Variants in MYO1B observed in about 807,000 individuals in gnomAD.
MYO1B encodes unconventional myosin-Ib.
MYO1B carries 72 observed loss-of-function variants against 159.7 expected under a neutral mutation model. The observed-to-expected ratio is 0.45, with a 90% CI of 0.37 to 0.55. MYO1B has a LOEUF of 0.55. Ranked by LOEUF, MYO1B falls within the 20% of genes least tolerant of loss-of-function variation. MYO1B has a pLI of 0.00. For missense variants in MYO1B, 1,062 were observed against 1,364.8 expected, an observed-to-expected ratio of 0.78 and a Z score of 3.50; for synonymous variants, 468 against 473.8, an observed-to-expected ratio of 0.99 and a Z score of 0.16.
chr2:191,385,731 G>A (rs1424927270), intron 15 of MYO1B, among the ~76,000 whole-genome samples, 153 bp from the exon 16 acceptor site: 1 of 152,154 alleles, frequency 6.6e-6, no homozygotes, highest in African/African-American at 2.4e-5. Context: ...GATTCCTGTG[G>A]CTTTTGTTAT....
chr2:191,336,457 T>C (rs1691850133), intron 4 of MYO1B, among the ~76,000 whole-genome samples: 1 of 152,200 alleles, frequency 6.6e-6, no homozygotes, highest in Admixed American at 6.5e-5. Flanking sequence ...TTCCCCTGTG[T>C]GAGAAAGACC....
Position 191,350,240 on chromosome 2 carries a change from T to C in MYO1B, c.562+15T>C, listed in dbSNP as rs59642822. The C allele has an allele frequency of 0.37, 592,586 of 1,593,546 alleles. 112,484 individuals carry two copies. Among genetic ancestry groups the C allele is most frequent in the South Asian group, 0.48 (43,703 of 90,346 alleles). On this transcript the variant is annotated intron_variant, in intron 7 of 30. Transcript: ENST00000392318. ...AATAAGTAACTGTGAGTATTTTTCT[T>C]CAGTCCTTGTAAAGAAGTTCAGAAT...
intron 3 of MYO1B, among the ~76,000 whole-genome samples, chr2:191,315,686 G>A (rs937490585): frequency 1.3e-5 from 2 of 152,258 alleles, no homozygotes; most frequent in African/African-American, 4.8e-5. Context: ...GACTGACTAT[G>A]TGAAGGGTGT....
At chr2:191,349,441 A>C (rs1692775517) in intron 6 of MYO1B, among the ~76,000 whole-genome samples, 1 of 152,218 alleles carries the variant, frequency 6.6e-6, no homozygotes, top group South Asian at 2.1e-4. Flanking sequence ...AGATCAACAC[A>C]CACTTTTCCA....
chr2:191,285,311 T>C (rs1485214366), intron 2 of MYO1B, among the ~76,000 whole-genome samples: 1 of 152,194 alleles, frequency 6.6e-6, no homozygotes, highest in Non-Finnish European at 1.5e-5. Context: ...GGCGTTGAAC[T>C]CATATATAGT....
At chr2:191,262,289 GC>G (rs1004788758) in intron 1 of MYO1B, among the ~76,000 whole-genome samples, 2 of 151,740 alleles carry the variant, frequency 1.3e-5, no homozygotes, top group African/African-American at 2.4e-5. Flanking sequence ...TTATTCTGCC[GC>G]CCCCCCTCCT....
intron 4 of MYO1B, among the ~76,000 whole-genome samples, chr2:191,334,042 G>A (rs532788602): frequency 6.6e-6 from 1 of 151,452 alleles, no homozygotes; most frequent in South Asian, 2.1e-4. Context: ...CTTGGAAGAA[G>A]AAAAGAAAAT....
chr2:191,268,017 T>C (rs1428881991), intron 1 of MYO1B, among the ~76,000 whole-genome samples: 1 of 152,194 alleles, frequency 6.6e-6, no homozygotes, highest in Non-Finnish European at 1.5e-5. Context: ...AGCCACGCTG[T>C]TAGGCATGGG....
chr2:191,335,317 T>TA (rs1481078657), intron 4 of MYO1B, among the ~76,000 whole-genome samples: 2 of 152,212 alleles, frequency 1.3e-5, no homozygotes, highest in Non-Finnish European at 2.9e-5. Flanking sequence ...TCTTTCTTTT[T>TA]TAAAGCAGTG....
At chr2:191,311,556 G>A (rs891709124) in intron 3 of MYO1B, among the ~76,000 whole-genome samples, 1 of 152,096 alleles carries the variant, frequency 6.6e-6, no homozygotes, top group Admixed American at 6.6e-5. Flanking sequence ...CCTACCTCAC[G>A]TTTGGCCATG....
intron 24 of MYO1B, among the ~76,000 whole-genome samples, chr2:191,403,659 T>A (rs1696744843): frequency 6.6e-6 from 1 of 151,978 alleles, no homozygotes; most frequent in African/African-American, 2.4e-5. Flanking sequence ...ACAATCTGCA[T>A]TTTTTTTCTG....
chr2:191,397,815 C>G (rs76539043), intron 21 of MYO1B, among the ~76,000 whole-genome samples: 1 of 136,780 alleles, frequency 7.3e-6, no homozygotes, highest in Non-Finnish European at 1.6e-5. Flanking sequence ...TCTGGCCGGG[C>G]GGGGGGCTGA....
chr2:191,399,101 C>CA lies in MYO1B; in HGVS notation c.2296-1272dup, dbSNP rs536937823. On this transcript the variant is annotated intron_variant, in intron 21 of 30. Transcript: ENST00000392318. Reference sequence around the variant, plus strand: ...CAACACAGCAAAACCCCGTCTCCACCAAAAAAAAACGAAAACCAGTCAGGC... The same window carrying CA: ...CAACACAGCAAAACCCCGTCTCCACCAAAAAAAAAACGAAAACCAGTCAGGC... Among the ~76,000 whole-genome samples the CA allele has an allele frequency of 4.5e-3, 683 of 150,498 alleles. 4 individuals carry two copies. The highest frequency in any genetic ancestry group is 0.015 in the African/African-American group (606 of 41,062).
intron 2 of MYO1B, among the ~76,000 whole-genome samples, chr2:191,290,695 C>T (rs371027790): frequency 3.3e-5 from 5 of 152,128 alleles, no homozygotes; most frequent in East Asian, 1.9e-4. Context: ...ATTTCAAATT[C>T]ACAGCTATAG....
chr2:191,391,678 G>A (rs1695761242), intron 18 of MYO1B, among the ~76,000 whole-genome samples: 1 of 152,138 alleles, frequency 6.6e-6, no homozygotes, highest in African/African-American at 2.4e-5. Context: ...GCGTCCCGTT[G>A]GTCTGGGACT....
chr2:191,319,473 A>C (rs1690561151), intron 3 of MYO1B, among the ~76,000 whole-genome samples: 3 of 152,160 alleles, frequency 2.0e-5, no homozygotes, highest in African/African-American at 7.2e-5. Context: ...TTTCTTTTTA[A>C]AATTAAGACA....
intron 1 of MYO1B, among the ~76,000 whole-genome samples, chr2:191,248,191 T>A (rs1449613649): frequency 6.6e-6 from 1 of 152,232 alleles, no homozygotes; most frequent in Non-Finnish European, 1.5e-5. Context: ...ATGTGTTCAT[T>A]ACATGCCAAG....
At chr2:191,259,365 G>A in intron 1 of MYO1B, among the ~76,000 whole-genome samples, 1 of 152,202 alleles carries the variant, frequency 6.6e-6, no homozygotes, top group East Asian at 1.9e-4. Flanking sequence ...AAAGATGTTT[G>A]TGGGCCTACC....
intron 2 of MYO1B, 41 bp from the exon 3 acceptor site, chr2:191,296,068 TTG>T: frequency 1.7e-6 from 2 of 1,167,178 alleles, no homozygotes; most frequent in Middle Eastern, 4.2e-4. Flanking sequence ...AAAATACATT[TTG>T]TGTACTAACT....
Sources: allele counts gnomAD v4.1 joint callset (sites outside exome capture counted in the v4.1 genomes callset), GRCh38; gene constraint gnomAD v4.1.1; transcripts MANE v1.5; gene names NCBI Gene and HGNC (gene_info 2026-07-23, HGNC 2026-07-21).